Variants in UBE3C observed in about 807,000 individuals in gnomAD.
The protein encoded by UBE3C is ubiquitin-protein ligase E3C.
In UBE3C, 42 loss-of-function variants were observed where a neutral mutation model predicts 129.4. That is an observed-to-expected ratio of 0.32 (90% confidence interval 0.25 to 0.42). The LOEUF is 0.42. Among genes scored for constraint, UBE3C ranks in the 10% least tolerant of loss-of-function variants. UBE3C has a pLI of 1.00. For synonymous variants in UBE3C, 510 were observed against 492.4 expected, an observed-to-expected ratio of 1.04 and a Z score of -0.47; for missense variants, 1,049 against 1,319.1, an observed-to-expected ratio of 0.80 and a Z score of 3.17.
At chr7:157,172,322 C>T (rs1808400451) in intron 4 of UBE3C, among the ~76,000 whole-genome samples, 1 of 152,112 alleles carries the variant, frequency 6.6e-6, no homozygotes, top group African/African-American at 2.4e-5. Context: ...ACATGAACCA[C>T]CACACCCAGC....
chr7:157,148,191 C>T (rs1807658389), intron 1 of UBE3C, among the ~76,000 whole-genome samples: 1 of 152,094 alleles, frequency 6.6e-6, no homozygotes, highest in African/African-American at 2.4e-5. Flanking sequence ...ACCTCCATCT[C>T]CCGAATTCAA....
At chr7:157,257,115 G>A (rs2301946) in intron 22 of UBE3C, 71 bp downstream of exon 22, 275,345 of 1,579,868 alleles carry the variant, frequency 0.17, 25,955 homozygotes, top group East Asian at 0.38. Context: ...CATTCAGTAG[G>A]GTTAAATGAA....
chr7:157,167,198 T>C (rs1808241259), intron 2 of UBE3C, among the ~76,000 whole-genome samples: 1 of 152,220 alleles, frequency 6.6e-6, no homozygotes, highest in East Asian at 1.9e-4. Flanking sequence ...CCCACAGTGC[T>C]GGGTTTACAG....
At chr7:157,169,437 A>G (rs1808305752) in intron 3 of UBE3C, among the ~76,000 whole-genome samples, 1 of 150,810 alleles carries the variant, frequency 6.6e-6, no homozygotes, top group Non-Finnish European at 1.5e-5. Context: ...GTGCAGTGGC[A>G]TGATCTCGGC....
intron 2 of UBE3C, 70 bp downstream of exon 2, chr7:157,163,933 A>G (rs1048335888): frequency 6.3e-6 from 9 of 1,419,062 alleles, no homozygotes; most frequent in Non-Finnish European, 7.9e-6. Context: ...CCTTGGTTTT[A>G]CTGTATATAT....
chr7:157,255,521 T>C (rs1796729835), intron 21 of UBE3C, among the ~76,000 whole-genome samples: 1 of 152,250 alleles, frequency 6.6e-6, no homozygotes, highest in Non-Finnish European at 1.5e-5. Context: ...GTTGTCCCCA[T>C]GATCGGGTCA....
At chr7:157,154,504 TATCTTAGTGATTCC>T (rs1807849354) in intron 1 of UBE3C, among the ~76,000 whole-genome samples, 2 of 152,156 alleles carry the variant, frequency 1.3e-5, no homozygotes, top group South Asian at 4.1e-4. Flanking sequence ...CTCAACAAAA[TATCTTAGTGATTCC>T]ATATCGGCAT....
intron 17 of UBE3C, among the ~76,000 whole-genome samples, chr7:157,227,845 A>G (rs1245433043): frequency 2.0e-5 from 3 of 152,248 alleles, no homozygotes; most frequent in African/African-American, 4.8e-5. Flanking sequence ...GGGCATGCTA[A>G]TAATTGCATT....
chr7:157,207,549 A>G lies in UBE3C; in HGVS notation c.1570A>G (p.Ile524Val), dbSNP rs62001023. The change falls in exon 12 of 23, where the codon ATA (isoleucine) becomes GTA (valine). Residue 524 changes from isoleucine (I) to valine (V), a missense_variant. Around this residue, in one of 4 missense-constraint regions of UBE3C, gnomAD observed 314 missense variants for 416.9 expected, o/e 0.75. Coordinates refer to ENST00000348165, the MANE Select transcript of UBE3C (RefSeq NM_014671.3). Reference sequence around the variant, plus strand: ...TGATAACGAATTCTTCGGTGATCCCATAGAAGGTAAGGATTTTGAGAAACC... The same window carrying G: ...TGATAACGAATTCTTCGGTGATCCCGTAGAAGGTAAGGATTTTGAGAAACC... ...IHDNEFFGDP[I>V]EVVGQRQSSM... The G allele has an allele frequency of 6.2e-4, 999 of 1,611,116 alleles. 4 individuals are homozygous for G. The African/African-American group carries it at 0.011, about 18-fold the overall frequency.
intron 22 of UBE3C, among the ~76,000 whole-genome samples, chr7:157,265,276 G>A (rs1797045932): frequency 6.6e-6 from 1 of 152,206 alleles, no homozygotes; most frequent in African/African-American, 2.4e-5. Flanking sequence ...CACAGGCTGC[G>A]ACAGTGAGCA....
At position 157,201,712 on chromosome 7, in the gene UBE3C, C is replaced by T; in HGVS notation, c.1332-9C>T. The T allele has an allele frequency of 7.1e-7, 1 of 1,400,128 alleles. No individual in the cohort carries two copies. Among genetic ancestry groups the T allele is most frequent in the Non-Finnish European group, 9.4e-7 (1 of 1,060,480 alleles). 86.7% of individuals were successfully genotyped at this position (1,400,128 alleles called of 1,614,324 possible). A position where few individuals can be genotyped will look rare whatever the true frequency, so the allele number is the denominator to read the frequency against. On this transcript the variant is annotated splice_polypyrimidine_tract_variant and intron_variant, in intron 10 of 22. Coordinates refer to ENST00000348165, the MANE Select transcript of UBE3C (RefSeq NM_014671.3). ...TACTGTTCTGTGTTTTTCTCCTATT[C>T]CTTTTTAGGCTTCTCTACAGTTTAG...
chr7:157,210,277 T>TTA, intron 13 of UBE3C, among the ~76,000 whole-genome samples: 1 of 151,766 alleles, frequency 6.6e-6, no homozygotes, highest in East Asian at 1.9e-4. Context: ...TTAGAATTGT[T>TTA]TAAAGACCTT....
At chr7:157,263,341 C>T (rs1365259677) in intron 22 of UBE3C, 1 of 152,534 alleles carries the variant, frequency 6.6e-6, no homozygotes, top group Non-Finnish European at 1.5e-5. Context: ...AATCCGTGCC[C>T]TTTTGTGCCG....
chr7:157,236,654 T>G (rs745536390), intron 18 of UBE3C, among the ~76,000 whole-genome samples: 3 of 152,210 alleles, frequency 2.0e-5, no homozygotes, highest in Admixed American at 6.5e-5. Context: ...AGGTGAATAC[T>G]AGTCATTTTG....
intron 22 of UBE3C, among the ~76,000 whole-genome samples, chr7:157,263,429 T>C: frequency 6.6e-6 from 1 of 152,158 alleles, no homozygotes; most frequent in East Asian, 1.9e-4. Context: ...TTTGGGAGGC[T>C]GAGGCGGGCG....
chr7:157,251,934 G>A (rs1796629614), intron 19 of UBE3C, among the ~76,000 whole-genome samples: 1 of 152,092 alleles, frequency 6.6e-6, no homozygotes, highest in Non-Finnish European at 1.5e-5. Flanking sequence ...CAGGAGTTCA[G>A]ACCAGCCTGG....
intron 18 of UBE3C, among the ~76,000 whole-genome samples, chr7:157,247,396 A>G (rs1377407991): frequency 6.6e-6 from 1 of 152,200 alleles, no homozygotes; most frequent in South Asian, 2.1e-4. Context: ...TATTGTCTTT[A>G]TTAGAAAACT....
chr7:157,141,872 G>A (rs1217874097), intron 1 of UBE3C, among the ~76,000 whole-genome samples: 3 of 152,226 alleles, frequency 2.0e-5, no homozygotes, highest in East Asian at 1.9e-4. Flanking sequence ...TGAACGCACC[G>A]TGGCTGATTC....
chr7:157,219,230 T>TA (rs1795668732), intron 14 of UBE3C, among the ~76,000 whole-genome samples: 1 of 152,196 alleles, frequency 6.6e-6, no homozygotes, highest in Admixed American at 6.5e-5. Flanking sequence ...ACCTCTTCCT[T>TA]ACTCCAGAAA....
Sources: allele counts gnomAD v4.1 joint callset (sites outside exome capture counted in the v4.1 genomes callset), GRCh38; gene constraint gnomAD v4.1.1; regional missense constraint gnomAD v4.1.1; transcripts MANE v1.5; gene names NCBI Gene and HGNC (gene_info 2026-07-23, HGNC 2026-07-21).